Variants in DPF3 observed in about 807,000 individuals in gnomAD.
DPF3 encodes double PHD fingers 3.
In DPF3, 18 loss-of-function variants were observed where a neutral mutation model predicts 56.8. That is an observed-to-expected ratio of 0.32 (90% CI 0.22 to 0.47). The LOEUF (loss-of-function observed/expected upper bound fraction) is 0.47, where lower values mean the gene tolerates loss of function less well. DPF3 is among the 20% of genes least tolerant of loss of function. DPF3 has a pLI of 1.00. For missense variants in DPF3, 403 were observed against 488.8 expected (o/e 0.82, Z 1.65); for synonymous variants, 188 against 180.2 (o/e 1.04, Z -0.35).
At chr14:72,727,904 T>C (rs1233346509) in intron 4 of DPF3, among the ~76,000 whole-genome samples, 1 of 152,218 alleles carries the variant, frequency 6.6e-6, no homozygotes, top group Non-Finnish European at 1.5e-5. Flanking sequence ...TCATTTGACT[T>C]ATGGTCCTGG....
chr14:72,836,827 G>A (rs549444091), intron 1 of DPF3, among the ~76,000 whole-genome samples: 38 of 152,000 alleles, frequency 2.5e-4, no homozygotes, highest in Non-Finnish European at 4.9e-4. Flanking sequence ...GGAGACGGCT[G>A]TGTGGAAAGA....
intron 1 of DPF3, among the ~76,000 whole-genome samples, chr14:72,796,521 A>G (rs542011220): frequency 6.6e-6 from 1 of 152,346 alleles, no homozygotes; most frequent in South Asian, 2.1e-4. Context: ...AAATAAATAA[A>G]TAAATGGAGA....
intron 8 of DPF3, among the ~76,000 whole-genome samples, chr14:72,657,594 C>T (rs1886092575): frequency 6.6e-6 from 1 of 152,076 alleles, no homozygotes; most frequent in Admixed American, 6.6e-5. Flanking sequence ...AATTCTCTTT[C>T]CATAGTCCTG....
chr14:72,893,970 T>G, intron 1 of DPF3, 87 bp downstream of exon 1: 1 of 1,528,034 alleles, frequency 6.5e-7, no homozygotes, highest in Non-Finnish European at 8.9e-7. Flanking sequence ...GCAAGCGCAA[T>G]GCTCTGGCAG....
At chr14:72,762,759 A>T (rs1413673337) in intron 2 of DPF3, among the ~76,000 whole-genome samples, 1 of 151,950 alleles carries the variant, frequency 6.6e-6, no homozygotes, top group Non-Finnish European at 1.5e-5. Context: ...GCAAGAGACA[A>T]ATAAAATAAA....
rs116731388 is a variant in DPF3 at position 72,657,724 on chromosome 14, C to T, written c.871+16516G>A. On this transcript the variant is annotated intron_variant, in intron 8 of 10. Coordinates refer to ENST00000556509, the MANE Select transcript of DPF3 (RefSeq NM_001280542.3). ...CTTGTGGGCCAAATCTGGCCAACTGCTTATTTTTGTAAATAAAGTTTTATT... is the reference window on the plus strand; with the variant it reads ...CTTGTGGGCCAAATCTGGCCAACTGTTTATTTTTGTAAATAAAGTTTTATT... 7.8e-3 allele frequency among the ~76,000 whole-genome samples: 1,187 copies of T among 152,274 alleles called. 23 individuals are homozygous for T. Among genetic ancestry groups the T allele is most frequent in the African/African-American group, 0.027 (1,131 of 41,554 alleles).
chr14:72,888,538 C>A (rs1164339194), intron 1 of DPF3, among the ~76,000 whole-genome samples: 1 of 152,238 alleles, frequency 6.6e-6, no homozygotes, highest in Non-Finnish European at 1.5e-5. Context: ...CAATGGATCA[C>A]AATATCAGTC....
chr14:72,740,077 G>C (rs1207822613), intron 3 of DPF3, among the ~76,000 whole-genome samples: 1 of 152,036 alleles, frequency 6.6e-6, no homozygotes, highest in Non-Finnish European at 1.5e-5. Flanking sequence ...GAGGGAGGGG[G>C]CTACGCTGAC....
At chr14:72,719,411 T>C (rs909307610) in intron 5 of DPF3, among the ~76,000 whole-genome samples, 2 of 152,118 alleles carry the variant, frequency 1.3e-5, no homozygotes, top group Non-Finnish European at 2.9e-5. Context: ...AGCTCCAGCA[T>C]CACTTGGGAG....
chr14:72,806,324 C>T (rs1567239382), intron 1 of DPF3, among the ~76,000 whole-genome samples: 2 of 152,128 alleles, frequency 1.3e-5, no homozygotes, highest in South Asian at 4.2e-4. Flanking sequence ...ATTAGCCATG[C>T]GCTCCTTGAA....
intron 8 of DPF3, among the ~76,000 whole-genome samples, chr14:72,635,840 T>A (rs1001016935): frequency 6.6e-6 from 1 of 152,220 alleles, no homozygotes; most frequent in Non-Finnish European, 1.5e-5. Context: ...CTAAGCCACA[T>A]CACTGATTGA....
At chr14:72,683,326 C>CAAAA (rs56087517) in intron 7 of DPF3, among the ~76,000 whole-genome samples, 31 of 79,598 alleles carry the variant, frequency 3.9e-4, no homozygotes, top group African/African-American at 1.3e-3. Flanking sequence ...GACCCCATCT[C>CAAAA]AAAAAAAAAA....
chr14:72,716,365 T>C (rs1183996914), intron 5 of DPF3, among the ~76,000 whole-genome samples: 1 of 152,136 alleles, frequency 6.6e-6, no homozygotes, highest in African/African-American at 2.4e-5. Context: ...TCAGGGGACA[T>C]GCAAGGGACT....
At chr14:72,803,972 C>T (rs1218692820) in intron 1 of DPF3, among the ~76,000 whole-genome samples, 1 of 152,142 alleles carries the variant, frequency 6.6e-6, no homozygotes, top group African/African-American at 2.4e-5. Context: ...TAAACGCTAC[C>T]TCCAACACCC....
chr14:72,719,788 A>G (rs981821306), intron 5 of DPF3, among the ~76,000 whole-genome samples: 1 of 152,178 alleles, frequency 6.6e-6, no homozygotes, highest in African/African-American at 2.4e-5. Flanking sequence ...GAAGCACTCA[A>G]AACTTACTGA....
rs563941692 is a variant in DPF3 at position 72,865,777 on chromosome 14, C to T, written c.32+28280G>A. Among the ~76,000 whole-genome samples the T allele has an allele frequency of 9.2e-5, 14 of 152,256 alleles. No homozygotes were observed. The South Asian group carries it at 2.7e-3, about 29-fold the overall frequency. ...GACATCAGCACTAGGCCGGGTGCAT[C>T]GGCTCATGCCTGTAATCCCAGCCCT... On this transcript the variant is annotated intron_variant, in intron 1 of 10. Transcript: ENST00000556509.
At chr14:72,766,017 G>A (rs761185426) in intron 2 of DPF3, among the ~76,000 whole-genome samples, 13 of 152,088 alleles carry the variant, frequency 8.5e-5, no homozygotes, top group Admixed American at 2.6e-4. Context: ...ATGGAGAAGC[G>A]CAGGAAGGAT....
At chr14:72,863,080 A>G (rs61986357) in intron 1 of DPF3, among the ~76,000 whole-genome samples, 1 of 18,318 alleles carries the variant, frequency 5.5e-5, no homozygotes, top group Non-Finnish European at 8.9e-5. Context: ...ATATATATAT[A>G]TATATATATA....
At chr14:72,893,009 AAGGAAGGAAGGAAGGATGAAAAGGAGG>A (rs1567273826) in intron 1 of DPF3, among the ~76,000 whole-genome samples, 3 of 118,256 alleles carry the variant, frequency 2.5e-5, no homozygotes, top group Non-Finnish European at 5.5e-5. Context: ...GGAAGGAAGG[AAGGAAGGAAGGAAGGATGAAAAGGAGG>A]AGGAAGGCAG....
Sources: gnomAD v4.1 joint callset for allele counts (sites outside exome capture counted in the v4.1 genomes callset) on GRCh38, gnomAD v4.1.1 for gene constraint, MANE v1.5 for transcripts, NCBI Gene and HGNC (gene_info 2026-07-23, HGNC 2026-07-21) for gene names.